DDX24: variants seen among roughly 807,000 people sequenced by gnomAD.
DDX24 encodes the protein DEAD-box helicase 24.
A neutral mutation model predicts 68.9 loss-of-function variants in DDX24; 24 were observed. The observed-to-expected ratio is 0.35, with a 90% CI of 0.25 to 0.49. DDX24 has a LOEUF of 0.49. Among genes scored for constraint, DDX24 ranks in the 20% least tolerant of loss-of-function variants. The pLI is 0.99. For missense variants in DDX24, 989 were observed against 1,039.0 expected (o/e 0.95, Z 0.66); for synonymous variants, 395 against 385.2 (o/e 1.03, Z -0.30).
chr14:94,057,775 C>T (rs1438197136), intron 6 of DDX24, 47 bp downstream of exon 6: 1 of 1,577,466 alleles, frequency 6.3e-7, no homozygotes, highest in Non-Finnish European at 8.7e-7. Context: ...CTTAAAAATT[C>T]CCCATTCAGT....
At chr14:94,072,145 C>G (rs567449881) in intron 2 of DDX24, among the ~76,000 whole-genome samples, 4 of 152,326 alleles carry the variant, frequency 2.6e-5, no homozygotes, top group South Asian at 4.1e-4. Flanking sequence ...AAAAAAGATA[C>G]TTTCACACAT....
chr14:94,080,080 C>T (rs1183265722), intron 1 of DDX24, among the ~76,000 whole-genome samples: 1 of 152,126 alleles, frequency 6.6e-6, no homozygotes, highest in Non-Finnish European at 1.5e-5. Context: ...GGGGAGGGTA[C>T]CTAACAATAT....
At chr14:94,072,911 T>A (rs1885861800) in intron 2 of DDX24, among the ~76,000 whole-genome samples, 1 of 148,712 alleles carries the variant, frequency 6.7e-6, no homozygotes, top group East Asian at 2.0e-4. Context: ...TTTAAAAAAA[T>A]TAAAAATAAA....
intron 2 of DDX24, among the ~76,000 whole-genome samples, chr14:94,077,916 T>A (rs986992131): frequency 6.6e-6 from 1 of 152,162 alleles, no homozygotes; most frequent in South Asian, 2.1e-4. Flanking sequence ...TTTTTAACTT[T>A]TAAAAAATGT....
At chr14:94,053,185 A>G (rs1885422478) in intron 7 of DDX24, 58 bp from the exon 8 acceptor site, 1 of 1,609,540 alleles carries the variant, frequency 6.2e-7, no homozygotes, top group Admixed American at 1.7e-5. Flanking sequence ...TCTGGGAAGC[A>G]AAGTCTCACT....
chr14:94,064,848 T>C (rs1178087682), intron 2 of DDX24, among the ~76,000 whole-genome samples: 1 of 152,212 alleles, frequency 6.6e-6, no homozygotes, highest in East Asian at 1.9e-4. Flanking sequence ...GAAGTACCAT[T>C]ATTTGTGATT....
At chr14:94,067,603 T>C in intron 2 of DDX24, among the ~76,000 whole-genome samples, 1 of 152,108 alleles carries the variant, frequency 6.6e-6, no homozygotes. Flanking sequence ...AGATAACCTA[T>C]AAAGGAAAAC....
chr14:94,052,389 T>C (rs955681143), intron 8 of DDX24, among the ~76,000 whole-genome samples: 7 of 152,218 alleles, frequency 4.6e-5, no homozygotes, highest in Non-Finnish European at 8.8e-5. Context: ...CTGTGGTATC[T>C]AGTTTCCATA....
At chr14:94,076,868 G>C (rs111448352) in intron 2 of DDX24, among the ~76,000 whole-genome samples, 3 of 152,078 alleles carry the variant, frequency 2.0e-5, no homozygotes, top group East Asian at 3.9e-4. Context: ...GAAGGTAGGG[G>C]TCCACTTATA....
At chr14:94,079,872 G>A (rs1886027581) in intron 1 of DDX24, 125 bp from the exon 2 acceptor site, 2 of 849,468 alleles carry the variant, frequency 2.4e-6, no homozygotes, top group Admixed American at 4.5e-5. Context: ...CTATCACACA[G>A]TTGCTCCCAC....
chr14:94,058,048 G>C, intron 5 of DDX24, 151 bp from the exon 6 acceptor site: 1 of 724,478 alleles, frequency 1.4e-6, no homozygotes. Context: ...ACTGAGGCTC[G>C]GAGAGATTAA....
At chr14:94,078,898 C>T in intron 2 of DDX24, 127 bp downstream of exon 2, 3 of 1,043,220 alleles carry the variant, frequency 2.9e-6, no homozygotes, top group South Asian at 3.2e-5. Flanking sequence ...GACTTCTAAA[C>T]ACCTTTATTC....
Position 94,048,612 on chromosome 14 carries a change from C to T in DDX24, c.*2579G>A, listed in dbSNP as rs1273715903. On this transcript the variant is annotated 3_prime_UTR_variant, in exon 9 of 9. Transcript: ENST00000621632. ...GTGAAAATAGCTATTATACCTGACACACTCATCGTATGGGCTCTGCAAAGG... is the reference window on the plus strand; with the variant it reads ...GTGAAAATAGCTATTATACCTGACATACTCATCGTATGGGCTCTGCAAAGG... 1 of 152,240 alleles carries T rather than the reference C, an allele frequency of 6.6e-6. No individual in the cohort carries two copies. The highest frequency in any genetic ancestry group is 2.4e-5 in the African/African-American group (1 of 41,462). 9.4% of individuals were successfully genotyped at this position (152,240 alleles called of 1,614,324 possible).
rs1487845176 is a variant in DDX24 at position 94,048,585 on chromosome 14, G to A, written c.*2606C>T. 2 of 152,200 alleles carry A rather than the reference G, an allele frequency of 1.3e-5. No individual in the cohort carries two copies. The highest frequency in any genetic ancestry group is 2.9e-5 in the Non-Finnish European group (2 of 68,044). The allele number at this position is 152,200 out of a possible 1,614,324, so 9.4% of individuals were successfully genotyped here. ...TGGTTAAAACAGAATGAGATTCCTT[G>A]TGTGAAAATAGCTATTATACCTGAC... On this transcript the variant is annotated 3_prime_UTR_variant, in exon 9 of 9. Coordinates refer to ENST00000621632, the MANE Select transcript of DDX24 (RefSeq NM_020414.4).
At chr14:94,055,485 C>CACAG in intron 6 of DDX24, 1 of 399,282 alleles carries the variant, frequency 2.5e-6, no homozygotes, top group African/African-American at 2.0e-5. Context: ...AGCCCAGCTC[C>CACAG]ACAGACCATG....
At chr14:94,074,904 C>T (rs966522673) in intron 2 of DDX24, among the ~76,000 whole-genome samples, 14 of 152,036 alleles carry the variant, frequency 9.2e-5, no homozygotes, top group African/African-American at 3.4e-4. Context: ...TTTTAAATTA[C>T]CATTTACAAT....
At chr14:94,068,297 C>T (rs997953330) in intron 2 of DDX24, among the ~76,000 whole-genome samples, 6 of 152,058 alleles carry the variant, frequency 3.9e-5, no homozygotes, top group Admixed American at 1.3e-4. Flanking sequence ...AAGGCCTTGT[C>T]CAACAGGAAA....
intron 8 of DDX24, 37 bp from the exon 9 acceptor site, chr14:94,051,499 G>T: frequency 6.7e-7 from 1 of 1,494,820 alleles, no homozygotes; most frequent in Non-Finnish European, 8.9e-7. Context: ...TATTTACTAT[G>T]GTTTGTAGAA....
intron 6 of DDX24, chr14:94,056,485 T>C (rs1227184179): frequency 1.3e-5 from 2 of 152,382 alleles, no homozygotes; most frequent in South Asian, 2.1e-4. Context: ...TGGACATTCC[T>C]GGAGGGTGGT....
Sources: gnomAD v4.1 joint callset for allele counts (sites outside exome capture counted in the v4.1 genomes callset) on GRCh38, gnomAD v4.1.1 for gene constraint, MANE v1.5 for transcripts, NCBI Gene and HGNC (gene_info 2026-07-23, HGNC 2026-07-21) for gene names.